Variants in RFC3 observed in about 807,000 individuals in gnomAD.
The protein encoded by RFC3 is replication factor C subunit 3, also known as A1 38 kDa subunit.
A neutral mutation model predicts 45.1 loss-of-function variants in RFC3; 41 were observed. The ratio of observed to expected loss-of-function variants is 0.91; its 90% CI spans 0.71 to 1.18. RFC3 has a LOEUF of 1.18. Among genes scored for constraint, RFC3 ranks in the 50% most tolerant of loss-of-function variants. The pLI, the probability that RFC3 is intolerant of heterozygous loss-of-function variation, is 0.00. For synonymous variants in RFC3, 149 were observed against 144.0 expected (o/e 1.03, Z -0.25); for missense variants, 423 against 428.1 (o/e 0.99, Z 0.10).
chr13:33,925,601 T>TGC (rs1280418700), intron 8 of RFC3, among the ~76,000 whole-genome samples: 8 of 150,602 alleles, frequency 5.3e-5, no homozygotes, highest in African/African-American at 1.9e-4. Flanking sequence ...ACTATATACA[T>TGC]ACATATATAG....
intron 8 of RFC3, among the ~76,000 whole-genome samples, chr13:33,951,220 A>G (rs1204414668): frequency 6.7e-6 from 1 of 149,760 alleles, no homozygotes; most frequent in Non-Finnish European, 1.5e-5. Context: ...ATCACTGGGT[A>G]TACTATAAGT....
chr13:33,914,838 T>C (rs949215410), intron 8 of RFC3, among the ~76,000 whole-genome samples: 1 of 152,172 alleles, frequency 6.6e-6, no homozygotes, highest in Non-Finnish European at 1.5e-5. Context: ...ACCAGTTCTA[T>C]GTTTATAGCT....
chr13:33,842,348 C>T (rs944278557), downstream of RFC3, among the ~76,000 whole-genome samples: 1 of 152,082 alleles, frequency 6.6e-6, no homozygotes, highest in African/African-American at 2.4e-5. Context: ...GCATGCCATT[C>T]TGAGTAATGT....
chr13:33,837,616 TA>T (rs1259072737), downstream of RFC3: 1 of 152,122 alleles, frequency 6.6e-6, no homozygotes, highest in African/African-American at 2.4e-5. Flanking sequence ...TTAACTTTCC[TA>T]AAGTTATATT....
At chr13:33,942,214 T>G (rs1217317677) in intron 8 of RFC3, among the ~76,000 whole-genome samples, 1 of 152,194 alleles carries the variant, frequency 6.6e-6, no homozygotes, top group Non-Finnish European at 1.5e-5. Flanking sequence ...CTTCTTGGTA[T>G]GCATTGTAAT....
At chr13:33,887,455 G>GTCC (rs950888383) in intron 8 of RFC3, among the ~76,000 whole-genome samples, 3 of 152,160 alleles carry the variant, frequency 2.0e-5, no homozygotes, top group African/African-American at 7.2e-5. Context: ...GTCTGTTCAT[G>GTCC]TCCTTTGCCC....
At chr13:33,953,039 C>T (rs1490819099) in intron 8 of RFC3, among the ~76,000 whole-genome samples, 1 of 152,006 alleles carries the variant, frequency 6.6e-6, no homozygotes, top group Admixed American at 6.6e-5. Context: ...AACATGCATA[C>T]AGTTGTCTTT....
chr13:33,927,941 A>G (rs933347961), intron 8 of RFC3, among the ~76,000 whole-genome samples: 1 of 152,158 alleles, frequency 6.6e-6, no homozygotes, highest in African/African-American at 2.4e-5. Flanking sequence ...CAGTAAGAAT[A>G]GCAGCTAACA....
At chr13:33,848,897 A>G (rs960891982) in intron 8 of RFC3, 6 of 152,224 alleles carry the variant, frequency 3.9e-5, no homozygotes, top group African/African-American at 1.4e-4. Context: ...GGCAACTTCT[A>G]TCCATTCATT....
downstream of RFC3, among the ~76,000 whole-genome samples, chr13:33,839,597 T>G (rs1218414450): frequency 6.6e-6 from 1 of 152,202 alleles, no homozygotes; most frequent in Non-Finnish European, 1.5e-5. Flanking sequence ...GAATTGGTTG[T>G]TTTTTGACAA....
intron 8 of RFC3, among the ~76,000 whole-genome samples, chr13:33,881,738 C>G (rs1262705726): frequency 6.6e-6 from 1 of 152,134 alleles, no homozygotes; most frequent in Admixed American, 6.5e-5. Flanking sequence ...TCTCTCAGTC[C>G]CGTGCTTTCC....
chr13:33,976,996 C>T, the RFC3 span, among the ~76,000 whole-genome samples: 2 of 152,120 alleles, frequency 1.3e-5, no homozygotes, highest in Non-Finnish European at 2.9e-5. Context: ...TGGCACTTTA[C>T]TTCTGTGGGC....
chr13:33,865,929 C>A (rs2082370683), intron 8 of RFC3, among the ~76,000 whole-genome samples: 1 of 151,754 alleles, frequency 6.6e-6, no homozygotes, highest in African/African-American at 2.4e-5. Context: ...CGTGGTGGCT[C>A]ATGCCTATAA....
chr13:33,956,785 G>A (rs1036336674), intron 8 of RFC3, among the ~76,000 whole-genome samples: 2 of 152,190 alleles, frequency 1.3e-5, no homozygotes, highest in South Asian at 2.1e-4. Flanking sequence ...CCACACATAT[G>A]TCCTGATAAT....
In RFC3 at chr13:33,818,234, A is replaced by T; in HGVS notation, c.56A>T (p.His19Leu). 1 of 1,613,620 alleles carries T rather than the reference A, an allele frequency of 6.2e-7. No homozygotes were observed. The highest frequency in any genetic ancestry group is 8.5e-7 in the Non-Finnish European group (1 of 1,179,962). The change falls in exon 1 of 9, where the codon CAC becomes CTC. Residue 19 changes from histidine (H) to leucine (L), a missense_variant. By Grantham distance (99) the His-to-Leu change is moderately conservative. Coordinates refer to ENST00000380071, the MANE Select transcript of RFC3 (RefSeq NM_002915.4). ...RPCSLGRLDY[H>L]KEQAAQLRNL... Reference sequence around the variant, plus strand: ...TGCTCCTTGGGACGGCTGGACTATCACAAGGAGCAGGCGGCCCAGCTGCGG... The same window carrying T: ...TGCTCCTTGGGACGGCTGGACTATCTCAAGGAGCAGGCGGCCCAGCTGCGG...
downstream of RFC3, among the ~76,000 whole-genome samples, chr13:33,969,527 G>A (rs1430807871): frequency 3.3e-5 from 5 of 152,102 alleles, no homozygotes; most frequent in Non-Finnish European, 5.9e-5. Flanking sequence ...TATTTCCAAG[G>A]CAGTTACAAT....
At chr13:33,858,503 A>G (rs1269804133) in intron 8 of RFC3, among the ~76,000 whole-genome samples, 2 of 152,192 alleles carry the variant, frequency 1.3e-5, no homozygotes, top group African/African-American at 4.8e-5. Context: ...TCACAAGCCC[A>G]GGAGCATGAA....
intron 1 of RFC3, among the ~76,000 whole-genome samples, chr13:33,819,195 A>G (rs1027651739): frequency 6.6e-6 from 1 of 152,116 alleles, no homozygotes; most frequent in Admixed American, 6.5e-5. Context: ...CGTGGCTGAG[A>G]TTAGAGCTTT....
downstream of RFC3, among the ~76,000 whole-genome samples, chr13:33,841,815 G>A (rs2082200822): frequency 6.6e-6 from 1 of 152,116 alleles, no homozygotes; most frequent in South Asian, 2.1e-4. Flanking sequence ...CTTTAAAATA[G>A]GGGCATGATA....
Sources: gnomAD v4.1 joint callset for allele counts (sites outside exome capture counted in the v4.1 genomes callset) on GRCh38, gnomAD v4.1.1 for gene constraint, MANE v1.5 for transcripts, NCBI Gene and HGNC (gene_info 2026-07-23, HGNC 2026-07-21) for gene names.